Variants in WHAMM observed in about 807,000 individuals in gnomAD.
WHAMM encodes WASP homolog associated with actin, golgi membranes and microtubules, also known as WASP homolog-associated protein with actin, membranes and microtubules.
In WHAMM, 67 loss-of-function variants were observed where a neutral mutation model predicts 76.5. The ratio of observed to expected loss-of-function variants is 0.88; its 90% confidence interval spans 0.72 to 1.07. The LOEUF (loss-of-function observed/expected upper bound fraction) is 1.07. Among genes scored for constraint, WHAMM ranks in the 50% least tolerant of loss-of-function variants. WHAMM has a pLI of 0.00. For synonymous variants in WHAMM, 419 were observed against 422.1 expected (o/e 0.99, Z 0.09); for missense variants, 1,021 against 1,051.1 (o/e 0.97, Z 0.40).
Position 82,823,097 on chromosome 15 carries a change from T to C in WHAMM, c.1271-3T>C, listed in dbSNP as rs759023797. The C allele has an allele frequency of 1.1e-5, 14 of 1,311,756 alleles. No homozygotes were observed. Among genetic ancestry groups the C allele is most frequent in the Middle Eastern group, 1.9e-4 (1 of 5,130 alleles). The allele number at this position is 1,311,756 out of a possible 1,614,324, so 81.3% of individuals were successfully genotyped here. On this transcript the variant is annotated splice_polypyrimidine_tract_variant and splice_region_variant and intron_variant, in intron 5 of 9. Transcript: ENST00000286760. ...TTTTAAACAATCATTAATACATTTT[T>C]AGAAAAACAAGATGAAGTTGTCTAT...
intron 5 of WHAMM, among the ~76,000 whole-genome samples, chr15:82,820,896 C>CAA (rs60974626): frequency 7.8e-4 from 93 of 119,522 alleles, no homozygotes; most frequent in Middle Eastern, 4.1e-3. Context: ...GACTCTGTCT[C>CAA]AAAAAAAAAA....
rs367874690 is a variant in WHAMM at position 82,833,686 on chromosome 15, A to AT, written c.*164dup. The AT allele has an allele frequency of 0.07, 46,408 of 659,014 alleles. 1 individual carries two copies. The highest frequency in any genetic ancestry group is 0.094 in the South Asian group (3,844 of 40,862). 40.8% of individuals were successfully genotyped at this position (659,014 alleles called of 1,614,324 possible). A position where few individuals can be genotyped will look rare whatever the true frequency, so the allele number is the denominator to read the frequency against. On this transcript the variant is annotated 3_prime_UTR_variant, in exon 10 of 10. Transcript: ENST00000286760. ...AGGGCCTTGTGTAGGCTGCTGCAGC[A>AT]TTTTTTTTTTTTTTCTTTTTTGAGA...
chr15:82,820,787 T>A, intron 5 of WHAMM, among the ~76,000 whole-genome samples: 3 of 151,240 alleles, frequency 2.0e-5, no homozygotes, highest in Non-Finnish European at 4.4e-5. Flanking sequence ...CCCAGCTACC[T>A]GTGAGGCTGA....
rs1478997575 is a variant in WHAMM, at chr15:82,810,343, A to G, written c.609+8A>G. 36 of 1,305,618 alleles carry G rather than the reference A, an allele frequency of 2.8e-5. No individual in the cohort carries two copies. Among genetic ancestry groups the G allele is most frequent in the Non-Finnish European group, 3.4e-5 (35 of 1,032,132 alleles). 80.9% of individuals were successfully genotyped at this position (1,305,618 alleles called of 1,614,324 possible). A position where few individuals can be genotyped will look rare whatever the true frequency, so the allele number is the denominator to read the frequency against. On this transcript the variant is annotated splice_region_variant and intron_variant, in intron 1 of 9. Coordinates refer to ENST00000286760, the MANE Select transcript of WHAMM (RefSeq NM_001080435.3). The stretch of plus-strand genomic sequence containing the variant: ...GACGCGCGGCTGCGCCAGGTAAGCG[A>G]GGCCCGGTCGCCGGCGTTCGTCCGC...
rs117112820 is a variant in WHAMM, at chr15:82,832,948, G to A, written c.2123-281G>A. On this transcript the variant is annotated intron_variant, in intron 9 of 9. Transcript: ENST00000286760. ...CAGATCACATTTGTCTTGAAAAACC[G>A]TCATTCTAACAAAAGTGCATGTCTG... Among the ~76,000 whole-genome samples, 7 of 152,294 alleles carry A rather than the reference G, an allele frequency of 4.6e-5. No homozygotes were observed. The East Asian group carries it at 5.8e-4, about 13-fold the overall frequency.
At position 82,830,659 on chromosome 15, in the gene WHAMM, C is replaced by A. The variant is rs1159314068; in HGVS notation, c.1702C>A (p.Pro568Thr). The A allele has an allele frequency of 3.1e-6, 5 of 1,613,834 alleles. No homozygotes were observed. Among genetic ancestry groups the A allele is most frequent in the Non-Finnish European group, 4.2e-6 (5 of 1,179,900 alleles). Residue 568 changes from proline (P) to threonine (T), a missense_variant, in exon 9 of 10, where the codon CCA becomes ACA. Coordinates refer to ENST00000286760, the MANE Select transcript of WHAMM (RefSeq NM_001080435.3). ...SGSEPVAPNL[P>T]SDLSQQMCLP... ...CTCAGAACCTGTGGCTCCAAACCTGCCAAGTGATCTTTCCCAGCAGATGTG... is the reference window on the plus strand; with the variant it reads ...CTCAGAACCTGTGGCTCCAAACCTGACAAGTGATCTTTCCCAGCAGATGTG...
intron 8 of WHAMM, among the ~76,000 whole-genome samples, chr15:82,828,967 CTGTGTTT>C (rs2050983222): frequency 1.3e-5 from 2 of 152,108 alleles, no homozygotes; most frequent in African/African-American, 4.8e-5. Context: ...TAAGGGAGTT[CTGTGTTT>C]ACCAAGAAGT....
Position 82,823,221 on chromosome 15 carries a change from G to GTGC in WHAMM, c.1393_1395dup (p.Cys465dup). The GTGC allele has an allele frequency of 6.3e-7, 1 of 1,588,660 alleles. No individual in the cohort carries two copies. The highest frequency in any genetic ancestry group is 2.3e-5 in the East Asian group (1 of 44,058). ...TGGAAGTGAAAGAACTCAGAAGGCA[G>GTGC]TGCCAGCAGCTGGAGTCTAAACGGG... On this transcript the variant is annotated inframe_insertion, in exon 6 of 10. Transcript: ENST00000286760.
chr15:82,818,017 T>C lies in WHAMM; in HGVS notation c.1032T>C (p.Ala344=). The C allele has an allele frequency of 6.5e-7, 1 of 1,549,920 alleles. No individual in the cohort carries two copies. Among genetic ancestry groups the C allele is most frequent in the Non-Finnish European group, 8.7e-7 (1 of 1,146,944 alleles). ...PRLEKLQLML[A]RETLQLMRAK... ...TGGAAAAACTTCAGCTAATGCTAGC[T>C]CGAGAGACTCTGCAACTCATGAGAG... Residue 344 remains alanine (A), a synonymous_variant, in exon 4 of 10, where the codon GCT becomes GCC. Coordinates refer to ENST00000286760, the MANE Select transcript of WHAMM (RefSeq NM_001080435.3).
Position 82,831,017 on chromosome 15 carries a change from C to T in WHAMM, c.2060C>T (p.Pro687Leu). ...RAPVKDDQPR[P>L]LVCESPAERP... ...CCAGTGAAAGATGACCAGCCACGTC[C>T]TCTAGTGTGCGAATCACCTGCTGAG... The change falls in exon 9 of 10, where the codon CCT becomes CTT. Residue 687 changes from proline to leucine, a missense_variant. Coordinates refer to ENST00000286760, the MANE Select transcript of WHAMM (RefSeq NM_001080435.3). The T allele has an allele frequency of 1.9e-6, 3 of 1,612,036 alleles. No homozygotes were observed. The highest frequency in any genetic ancestry group is 1.1e-5 in the South Asian group (1 of 91,046).
At chr15:82,829,012 T>C (rs1336480337) in intron 8 of WHAMM, among the ~76,000 whole-genome samples, 8 of 152,130 alleles carry the variant, frequency 5.3e-5, no homozygotes, top group Non-Finnish European at 8.8e-5. Context: ...CATAGCCAAT[T>C]TGAGCACATT....
intron 2 of WHAMM, among the ~76,000 whole-genome samples, chr15:82,815,121 AT>A (rs2050700785): frequency 5.1e-5 from 1 of 19,784 alleles, no homozygotes; most frequent in African/African-American, 5.1e-4. Context: ...TTATATATAT[AT>A]ATATATATAT....
At chr15:82,824,967 A>G (rs1299442250) in intron 6 of WHAMM, among the ~76,000 whole-genome samples, 1 of 152,136 alleles carries the variant, frequency 6.6e-6, no homozygotes, top group African/African-American at 2.4e-5. Context: ...GACCAGGGAC[A>G]ACACAGTGAG....
At chr15:82,833,174 C>A in intron 9 of WHAMM, 55 bp from the exon 10 acceptor site, 2 of 1,541,522 alleles carry the variant, frequency 1.3e-6, no homozygotes, top group South Asian at 1.2e-5. Context: ...GCAGTAATGT[C>A]CTGGGAAGGG....
chr15:82,825,353 G>GT (rs1171605744), intron 6 of WHAMM, among the ~76,000 whole-genome samples: 1 of 151,766 alleles, frequency 6.6e-6, no homozygotes, highest in African/African-American at 2.4e-5. Flanking sequence ...CCTTGGCAGT[G>GT]TTTTTTATAT....
chr15:82,815,704 G>A (rs1351353093), intron 2 of WHAMM, among the ~76,000 whole-genome samples: 1 of 152,162 alleles, frequency 6.6e-6, no homozygotes, highest in Non-Finnish European at 1.5e-5. Flanking sequence ...GTTCCGGTTT[G>A]TCCACATTAT....
At chr15:82,814,776 T>TG in intron 2 of WHAMM, among the ~76,000 whole-genome samples, 1 of 139,854 alleles carries the variant, frequency 7.2e-6, no homozygotes, top group East Asian at 2.1e-4. Context: ...CTTTTTTTTT[T>TG]TTTTTTTTTT....
In WHAMM at chr15:82,835,386, A is replaced by T. The variant is rs1462777466; in HGVS notation, c.*1850A>T. 1 of 152,360 alleles carries T rather than the reference A, an allele frequency of 6.6e-6. No homozygotes were observed. The highest frequency in any genetic ancestry group is 2.4e-5 in the African/African-American group (1 of 41,412). 9.4% of individuals were successfully genotyped at this position (152,360 alleles called of 1,614,324 possible). ...TGATCCTCCCACCTTGGCCTCCCAA[A>T]TGCTGGGGGTTACAGGCGTGAGCCA... On this transcript the variant is annotated 3_prime_UTR_variant, in exon 10 of 10. Transcript: ENST00000286760.
intron 5 of WHAMM, among the ~76,000 whole-genome samples, chr15:82,822,783 A>G (rs2050851264): frequency 6.6e-6 from 1 of 151,914 alleles, no homozygotes. Flanking sequence ...TTAGAACTCC[A>G]TTGATATGTG....
Sources: gnomAD v4.1 joint callset for allele counts (sites outside exome capture counted in the v4.1 genomes callset) on GRCh38, gnomAD v4.1.1 for gene constraint, MANE v1.5 for transcripts, NCBI Gene and HGNC (gene_info 2026-07-23, HGNC 2026-07-21) for gene names.